Variants in GHITM observed in about 807,000 individuals in gnomAD.
The protein encoded by GHITM is growth hormone-inducible transmembrane protein.
A neutral mutation model predicts 38.7 loss-of-function variants in GHITM; 24 were observed. The ratio of observed to expected loss-of-function variants is 0.62; its 90% CI spans 0.45 to 0.87. GHITM has a LOEUF of 0.87. Among genes scored for constraint, GHITM ranks in the 40% least tolerant of loss-of-function variants. The pLI, the probability that GHITM is intolerant of heterozygous loss-of-function variation, is 0.00. For missense variants in GHITM, 420 were observed against 429.8 expected, an observed-to-expected ratio of 0.98 and a Z score of 0.20; for synonymous variants, 154 against 147.8, an observed-to-expected ratio of 1.04 and a Z score of -0.30.
At position 84,141,518 on chromosome 10, in the gene GHITM, G is replaced by A. The variant is rs373805264; in HGVS notation, c.18G>A (p.Leu6=). The part of the protein sequence containing the change: MLAAR[L]VCLRTLPSRV... ...CCACCACCATGTTGGCTGCAAGGCT[G>A]GTGTGTCTCCGGACACTACCTTCTA... The change falls in exon 2 of 9, where the codon CTG becomes CTA. Residue 6 remains leucine (L), a synonymous_variant. Transcript: ENST00000372134. 1.2e-6 allele frequency: 2 copies of A among 1,613,616 alleles called. No homozygotes were observed. The highest frequency in any genetic ancestry group is 2.7e-5 in the African/African-American group (2 of 74,854).
chr10:84,140,633 C>G (rs780054092), intron 1 of GHITM: 1 of 152,092 alleles, frequency 6.6e-6, no homozygotes, highest in Non-Finnish European at 1.5e-5. Context: ...GGTTTACACT[C>G]GTCATTTCAT....
intron 5 of GHITM, 87 bp from the exon 6 acceptor site, chr10:84,148,643 G>C (rs1841580871): frequency 1.3e-6 from 1 of 779,468 alleles, no homozygotes; most frequent in East Asian, 2.7e-5. Flanking sequence ...TAGTTTATTA[G>C]AAGTAACTAA....
rs1288613600 is a variant in GHITM at position 84,139,598 on chromosome 10, T to A, written c.-40+5T>A. ...CGAAGGTGACCGGGGACCGAGGTAC[T>A]GCTCCGGCTGGCCGGCGGGCGCCCG... On this transcript the variant is annotated splice_donor_5th_base_variant and intron_variant, in intron 1 of 8. Transcript: ENST00000372134. 1 of 152,332 alleles carries A rather than the reference T, an allele frequency of 6.6e-6. No homozygotes were observed. Among genetic ancestry groups the A allele is most frequent in the Non-Finnish European group, 1.5e-5 (1 of 68,108 alleles). The allele number at this position is 152,332 out of a possible 1,614,324, so 9.4% of individuals were successfully genotyped here. A position where few individuals can be genotyped will look rare whatever the true frequency, so the allele number is the denominator to read the frequency against.
rs1157798241 is a variant in GHITM, at chr10:84,144,823, C to T, written c.342-52C>T. On this transcript the variant is annotated intron_variant, in intron 4 of 8. Transcript: ENST00000372134. ...GTCGCCCAGCTAGTGTGTGACTCAA[C>T]CAGAAATCAAATCTGTAATTTCATA... 2.2e-6 allele frequency: 3 copies of T among 1,387,500 alleles called. No homozygotes were observed. The Admixed American group carries it at 6.2e-5, about 29-fold the overall frequency. 85.9% of individuals were successfully genotyped at this position (1,387,500 alleles called of 1,614,324 possible). A position where few individuals can be genotyped will look rare whatever the true frequency, so the allele number is the denominator to read the frequency against.
Position 84,149,976 on chromosome 10 carries a change from A to G in GHITM, c.593-79A>G, listed in dbSNP as rs956312069. 8 of 1,136,190 alleles carry G rather than the reference A, an allele frequency of 7.0e-6. No homozygotes were observed. The African/African-American group carries it at 1.2e-4, about 18-fold the overall frequency. The allele number at this position is 1,136,190 out of a possible 1,614,324, so 70.4% of individuals were successfully genotyped here. ...GTGCTTAAACAGTAAGGTATAATATAAAGTGGCATGTTAGAAGTGATATTT... is the reference window on the plus strand; with the variant it reads ...GTGCTTAAACAGTAAGGTATAATATGAAGTGGCATGTTAGAAGTGATATTT... On this transcript the variant is annotated intron_variant, in intron 6 of 8. Transcript: ENST00000372134.
At chr10:84,144,196 A>T (rs1235493034) in intron 4 of GHITM, 90 bp downstream of exon 4, 9 of 780,142 alleles carry the variant, frequency 1.2e-5, no homozygotes, top group Non-Finnish European at 2.0e-5. Flanking sequence ...ATCTTTAGTC[A>T]CTTTGGAATG....
chr10:84,144,792 C>A (rs1841541858), intron 4 of GHITM, 83 bp from the exon 5 acceptor site: 2 of 780,262 alleles, frequency 2.6e-6, no homozygotes, highest in Non-Finnish European at 4.1e-6. Context: ...AATGATTTAT[C>A]CCGAGGTCGC....
chr10:84,144,058 A>C lies in GHITM; in HGVS notation c.293A>C (p.Tyr98Ser). ...GAAVGLGALC[Y>S]YGLGLSNEIG... ...GCTGTTGGTCTTGGAGCATTGTGCTACTATGGCTTGGGACTGTCTAATGAG... is the reference window on the plus strand; with the variant it reads ...GCTGTTGGTCTTGGAGCATTGTGCTCCTATGGCTTGGGACTGTCTAATGAG... The change falls in exon 4 of 9, where the codon TAC (tyrosine) becomes TCC (serine). Residue 98 changes from tyrosine to serine, a missense_variant. Physicochemically the swap from Tyr to Ser is moderately radical, Grantham distance 144. Coordinates refer to ENST00000372134, the MANE Select transcript of GHITM (RefSeq NM_014394.3). 1 of 1,614,080 alleles carries C rather than the reference A, an allele frequency of 6.2e-7. No homozygotes were observed. Among genetic ancestry groups the C allele is most frequent in the South Asian group, 1.1e-5 (1 of 91,082 alleles).
At chr10:84,145,057 C>A in intron 5 of GHITM, 41 bp downstream of exon 5, 2 of 1,507,428 alleles carry the variant, frequency 1.3e-6, no homozygotes, top group Non-Finnish European at 1.8e-6. Context: ...ATCTAAAGAT[C>A]AAAAGATTAG....
In GHITM at chr10:84,153,228, C is replaced by T. The variant is rs1283727399; in HGVS notation, c.*880C>T. On this transcript the variant is annotated 3_prime_UTR_variant, in exon 9 of 9. Transcript: ENST00000372134. ...ATTTATTGAACTGTCTAATTGAATACAGCTTGCTCTTGTCACCTCTTCAAG... is the reference window on the plus strand; with the variant it reads ...ATTTATTGAACTGTCTAATTGAATATAGCTTGCTCTTGTCACCTCTTCAAG... 1 of 152,140 alleles carries T rather than the reference C, an allele frequency of 6.6e-6. No individual in the cohort carries two copies. The highest frequency in any genetic ancestry group is 2.4e-5 in the African/African-American group (1 of 41,430). The allele number at this position is 152,140 out of a possible 1,614,324, so 9.4% of individuals were successfully genotyped here.
In GHITM at chr10:84,150,107, C is replaced by CT. The variant is rs759782403; in HGVS notation, c.645_646insT (p.Ile216TyrfsTer24). The CT allele has an allele frequency of 6.2e-7, 1 of 1,612,970 alleles. No individual in the cohort carries two copies. Among genetic ancestry groups the CT allele is most frequent in the Non-Finnish European group, 8.5e-7 (1 of 1,179,248 alleles). The stretch of plus-strand genomic sequence containing the variant: ...TGACAATATTAGGGGGTCCTCTTCT[C>CT]ATCAGAGCTGCATGGTACACAGCTG... On this transcript the variant is annotated frameshift_variant, in exon 7 of 9. Transcript: ENST00000372134. LOFTEE classifies it high-confidence loss of function.
At chr10:84,142,519 A>G (rs886159576) in intron 2 of GHITM, 136 bp from the exon 3 acceptor site, 23 of 430,854 alleles carry the variant, frequency 5.3e-5, no homozygotes, top group South Asian at 2.0e-4. Context: ...ATAAATTTCC[A>G]TAGTGAAGTT....
At chr10:84,140,527 T>TCAGCTCTTTCTCC (rs1841496251) in intron 1 of GHITM, 1 of 152,184 alleles carries the variant, frequency 6.6e-6, no homozygotes, top group Admixed American at 6.5e-5. Flanking sequence ...GAACACGGAA[T>TCAGCTCTTTCTCC]CCTTATGTTA....
At chr10:84,150,623 A>G in intron 7 of GHITM, 86 bp from the exon 8 acceptor site, 1 of 1,062,764 alleles carries the variant, frequency 9.4e-7, no homozygotes, top group East Asian at 2.6e-5. Context: ...TACCAAGGAG[A>G]TTTTTTTTTA....
chr10:84,141,700 G>T, intron 2 of GHITM, 71 bp downstream of exon 2: 2 of 1,417,702 alleles, frequency 1.4e-6, no homozygotes, highest in Non-Finnish European at 2.0e-6. Flanking sequence ...GCAGAGTATG[G>T]CTGCTCTGCC....
At chr10:84,142,512 A>C (rs1312646988) in intron 2 of GHITM, 143 bp from the exon 3 acceptor site, 2 of 427,852 alleles carry the variant, frequency 4.7e-6, no homozygotes, top group Non-Finnish European at 8.5e-6. Flanking sequence ...TTGGCTAATA[A>C]ATTTCCATAG....
chr10:84,144,898 A>C lies in GHITM; in HGVS notation c.365A>C (p.Asp122Ala), dbSNP rs1015936801. 1.2e-6 allele frequency: 2 copies of C among 1,601,570 alleles called. No homozygotes were observed. The highest frequency in any genetic ancestry group is 1.7e-6 in the Non-Finnish European group (2 of 1,172,172). ...KAVIWPQYVK[D>A]RIHSTYMYLA... ...AGAATTTGGCCTCAGTATGTCAAGG[A>C]TAGAATTCATTCCACCTATATGTAC... The change falls in exon 5 of 9, where the codon GAT (aspartate) becomes GCT (alanine). Residue 122 changes from aspartate to alanine, a missense_variant. Physicochemically the swap from Asp to Ala is moderately radical, Grantham distance 126. Coordinates refer to ENST00000372134, the MANE Select transcript of GHITM (RefSeq NM_014394.3).
In GHITM at chr10:84,150,072, G is replaced by A. The variant is rs1347640107; in HGVS notation, c.610G>A (p.Val204Met). The part of the protein sequence containing the change: ...LLHSGVMGAV[V>M]APLTILGGPL... ...TTCTCCAGGTGTGATGGGTGCAGTG[G>A]TGGCTCCTCTGACAATATTAGGGGG... Residue 204 changes from valine to methionine, a missense_variant, in exon 7 of 9, where the codon GTG becomes ATG. By Grantham distance (21) the Val-to-Met change is conservative. Transcript: ENST00000372134. 1 of 1,597,096 alleles carries A rather than the reference G, an allele frequency of 6.3e-7. No individual in the cohort carries two copies.
At chr10:84,140,357 C>T (rs925650655) in intron 1 of GHITM, 1 of 152,152 alleles carries the variant, frequency 6.6e-6, no homozygotes, top group Non-Finnish European at 1.5e-5. Context: ...TATCTTAAAG[C>T]AATAGTTCTT....
Sources: allele counts gnomAD v4.1 joint callset, GRCh38; gene constraint gnomAD v4.1.1; transcripts MANE v1.5; gene names NCBI Gene and HGNC (gene_info 2026-07-23, HGNC 2026-07-21).